Variants in CDK17 observed in about 807,000 individuals in gnomAD.
CDK17 encodes cyclin-dependent kinase 17.
In CDK17, 24 loss-of-function variants were observed where a neutral mutation model predicts 77.6. The observed-to-expected ratio is 0.31, with a 90% confidence interval of 0.22 to 0.44. The LOEUF is 0.44. Ranked by LOEUF, CDK17 falls within the 20% of genes least tolerant of loss-of-function variation. The pLI is 1.00. For synonymous variants in CDK17, 203 were observed against 210.4 expected (o/e 0.96, Z 0.30); for missense variants, 429 against 622.5 (o/e 0.69, Z 3.31).
intron 1 of CDK17, among the ~76,000 whole-genome samples, chr12:96,366,067 T>C (rs543493045): frequency 2.6e-5 from 4 of 152,200 alleles, no homozygotes; most frequent in African/African-American, 7.2e-5. Flanking sequence ...ATTTTTCTAC[T>C]GCTGGTTACA....
intron 1 of CDK17, among the ~76,000 whole-genome samples, chr12:96,376,334 A>G (rs1470010459): frequency 6.6e-6 from 1 of 152,210 alleles, no homozygotes; most frequent in African/African-American, 2.4e-5. Context: ...TTATATCATG[A>G]TCCTCACCTA....
chr12:96,360,076 G>A (rs969594506), intron 1 of CDK17, among the ~76,000 whole-genome samples: 1 of 152,168 alleles, frequency 6.6e-6, no homozygotes, highest in Non-Finnish European at 1.5e-5. Flanking sequence ...GCACTATGAT[G>A]GGGGAAGGGA....
intron 4 of CDK17, 46 bp downstream of exon 4, chr12:96,313,275 C>A: frequency 2.0e-6 from 3 of 1,472,310 alleles, no homozygotes; most frequent in Non-Finnish European, 1.8e-6. Context: ...TTAACATATA[C>A]CAACACACAT....
intron 2 of CDK17, among the ~76,000 whole-genome samples, chr12:96,324,909 T>C (rs892581244): frequency 6.6e-6 from 1 of 152,122 alleles, no homozygotes; most frequent in Non-Finnish European, 1.5e-5. Flanking sequence ...TAAATACATA[T>C]CAATACAGAG....
chr12:96,395,615 T>C (rs577519632), intron 1 of CDK17, among the ~76,000 whole-genome samples: 4 of 152,216 alleles, frequency 2.6e-5, no homozygotes, highest in Non-Finnish European at 5.9e-5. Context: ...ACAAAGTTTA[T>C]GTTATGGACT....
chr12:96,326,135 G>T (rs1381608834), intron 2 of CDK17, among the ~76,000 whole-genome samples: 1 of 152,144 alleles, frequency 6.6e-6, no homozygotes, highest in African/African-American at 2.4e-5. Context: ...TTTGCCTACA[G>T]ACAACATTTT....
intron 16 of CDK17, 195 bp from the exon 17 acceptor site, chr12:96,280,474 T>C: frequency 3.5e-6 from 5 of 1,413,706 alleles, no homozygotes; most frequent in Non-Finnish European, 4.6e-6. Flanking sequence ...GTGATGAACC[T>C]GATGACTAGG....
chr12:96,372,097 T>C (rs1565840506), intron 1 of CDK17, among the ~76,000 whole-genome samples: 2 of 152,146 alleles, frequency 1.3e-5, no homozygotes, highest in Admixed American at 1.3e-4. Flanking sequence ...TTTGTCATTC[T>C]GTAATTTATG....
rs58937020 is a variant in CDK17 at position 96,355,398 on chromosome 12, G to GTTT, written c.-29-20536_-29-20534dup. Reference sequence around the variant, plus strand: ...CTTGCTGTCTAACATTCTACATTGGGTTTTTTTTTTTTTTTTTTTTTTTGG... The same window carrying GTTT: ...CTTGCTGTCTAACATTCTACATTGGGTTTTTTTTTTTTTTTTTTTTTTTTTTGG... On this transcript the variant is annotated intron_variant, in intron 1 of 16. Coordinates refer to ENST00000261211, the MANE Select transcript of CDK17 (RefSeq NM_002595.5). Among the ~76,000 whole-genome samples the GTTT allele has an allele frequency of 3.7e-3, 268 of 72,470 alleles. 2 individuals carry two copies. The highest frequency in any genetic ancestry group is 5.2e-3 in the Non-Finnish European group (216 of 41,836). The allele number at this position is 72,470 out of a possible 152,430, so 47.5% of individuals were successfully genotyped here.
intron 1 of CDK17, among the ~76,000 whole-genome samples, chr12:96,372,231 C>T (rs980122903): frequency 1.3e-5 from 2 of 152,046 alleles, no homozygotes; most frequent in Admixed American, 6.6e-5. Flanking sequence ...ATTAAAAATG[C>T]CAGCATTCTT....
Position 96,286,133 on chromosome 12 carries a change from T to C in CDK17, c.1232A>G (p.Glu411Gly). 7.2e-7 allele frequency: 1 copy of C among 1,396,504 alleles called. No homozygotes were observed. Among genetic ancestry groups the C allele is most frequent in the Non-Finnish European group, 9.5e-7 (1 of 1,051,538 alleles). The allele number at this position is 1,396,504 out of a possible 1,614,324, so 86.5% of individuals were successfully genotyped here. The change falls in exon 13 of 17, where the codon GAA becomes GGA. Residue 411 changes from glutamate (E) to glycine (G), a missense_variant. Transcript: ENST00000261211. ...IFRLLGTPSQ[E>G]TWPGISSNEE... The stretch of plus-strand genomic sequence containing the variant: ...ATTTGAAGAAATACCTGGCCAAGTT[T>C]CCTGAGATGGAGTTCCTGAATTAAA...
In CDK17 at chr12:96,400,052, G is replaced by A; in HGVS notation, c.-96C>T. On this transcript the variant is annotated 5_prime_UTR_variant, in exon 1 of 17. Coordinates refer to ENST00000261211, the MANE Select transcript of CDK17 (RefSeq NM_002595.5). ...GAGGCGCGGGGGGAAGCTGCTCCGC[G>A]GACGCCCGCGGCGACCGGATGCAAG... The A allele has an allele frequency of 2.6e-6, 1 of 387,698 alleles. No homozygotes were observed. Among genetic ancestry groups the A allele is most frequent in the Non-Finnish European group, 4.6e-6 (1 of 219,340 alleles). 24.0% of individuals were successfully genotyped at this position (387,698 alleles called of 1,614,324 possible). A position where few individuals can be genotyped will look rare whatever the true frequency, so the allele number is the denominator to read the frequency against.
At chr12:96,393,117 C>A (rs1954099838) in intron 1 of CDK17, among the ~76,000 whole-genome samples, 1 of 152,022 alleles carries the variant, frequency 6.6e-6, no homozygotes, top group Non-Finnish European at 1.5e-5. Context: ...GTAATCCCAG[C>A]ACTTTGGGAA....
chr12:96,370,811 G>T (rs548956317), intron 1 of CDK17, among the ~76,000 whole-genome samples: 1 of 152,184 alleles, frequency 6.6e-6, no homozygotes, highest in East Asian at 1.9e-4. Context: ...GTTTTTTTAA[G>T]ATTTGTTAAC....
chr12:96,335,406 G>A (rs1225907908), intron 1 of CDK17, among the ~76,000 whole-genome samples: 1 of 152,152 alleles, frequency 6.6e-6, no homozygotes, highest in African/African-American at 2.4e-5. Flanking sequence ...GCTTTCAAGT[G>A]TCTCTTTCAT....
chr12:96,396,623 T>C (rs1267127593), intron 1 of CDK17, among the ~76,000 whole-genome samples: 1 of 152,176 alleles, frequency 6.6e-6, no homozygotes, highest in Admixed American at 6.5e-5. Context: ...AATTATCCAT[T>C]CAAAATTCAA....
At chr12:96,293,795 T>C (rs1351464494) in intron 10 of CDK17, among the ~76,000 whole-genome samples, 1 of 152,176 alleles carries the variant, frequency 6.6e-6, no homozygotes. Context: ...TATTGAAAAA[T>C]CGTGTTTGTT....
intron 10 of CDK17, among the ~76,000 whole-genome samples, chr12:96,289,692 GTCACCTTTTAA>G (rs1952295789): frequency 6.6e-6 from 1 of 152,138 alleles, no homozygotes; most frequent in Non-Finnish European, 1.5e-5. Context: ...ATGAGCTTTT[GTCACCTTTTAA>G]CCTGATTCCA....
At chr12:96,333,105 T>TCCTAAGAG (rs989926171) in intron 2 of CDK17, among the ~76,000 whole-genome samples, 1 of 151,794 alleles carries the variant, frequency 6.6e-6, no homozygotes, top group Non-Finnish European at 1.5e-5. Context: ...GACCCTTCTA[T>TCCTAAGAG]CCTAAGAGTA....
Sources: allele counts gnomAD v4.1 joint callset (sites outside exome capture counted in the v4.1 genomes callset), GRCh38; gene constraint gnomAD v4.1.1; transcripts MANE v1.5; gene names NCBI Gene and HGNC (gene_info 2026-07-23, HGNC 2026-07-21).